The following PTPRN2 variants were observed in gnomAD, a reference collection of about 807,000 sequenced individuals.
PTPRN2 encodes the protein protein tyrosine phosphatase receptor type N2, also known as receptor-type tyrosine-protein phosphatase N2.
In PTPRN2, 74 loss-of-function variants were observed where a neutral mutation model predicts 118.8. The ratio of observed to expected loss-of-function variants is 0.62; its 90% CI spans 0.52 to 0.76. The LOEUF is 0.76. Among genes scored for constraint, PTPRN2 ranks in the 30% least tolerant of loss-of-function variants. PTPRN2 has a pLI of 0.00. For synonymous variants in PTPRN2, 641 were observed against 608.0 expected (o/e 1.05, Z -0.80); for missense variants, 1,481 against 1,394.4 (o/e 1.06, Z -0.99).
intron 9 of PTPRN2, among the ~76,000 whole-genome samples, chr7:158,118,812 C>A (rs1396048585): frequency 6.6e-6 from 1 of 152,150 alleles, no homozygotes; most frequent in African/African-American, 2.4e-5. Flanking sequence ...AGGTGATCCT[C>A]CCACCTCAGC....
intron 6 of PTPRN2, among the ~76,000 whole-genome samples, chr7:158,146,615 G>T (rs1158546992): frequency 6.7e-6 from 1 of 150,278 alleles, no homozygotes; most frequent in East Asian, 1.9e-4. Flanking sequence ...CAGCTACTCA[G>T]GAGCCTGAGG....
chr7:158,225,850 G>C (rs1310245576), intron 3 of PTPRN2, among the ~76,000 whole-genome samples: 1 of 151,792 alleles, frequency 6.6e-6, no homozygotes, highest in Non-Finnish European at 1.5e-5. Context: ...CTGTGGCACT[G>C]AGTGGTGCAC....
At position 157,763,951 on chromosome 7, in the gene PTPRN2, C is replaced by A. The variant is rs75655455; in HGVS notation, c.1789-81014G>T. On this transcript the variant is annotated intron_variant, in intron 12 of 22. Coordinates refer to ENST00000389418, the MANE Select transcript of PTPRN2 (RefSeq NM_002847.5). This position sits in a 1 kb window ranked among gnomAD's most constrained non-coding sequence, Gnocchi z 4.9. ...CCTGTGACCATTTTCCAAACACTCT[C>A]ATGTTCGTTTGATCTTCATGATGTC... Among the ~76,000 whole-genome samples, 1,806 of 152,294 alleles carry A rather than the reference C, an allele frequency of 0.012. 74 individuals carry two copies. Among genetic ancestry groups the A allele is most frequent in the Admixed American group, 0.075 (1,146 of 15,306 alleles).
intron 2 of PTPRN2, among the ~76,000 whole-genome samples, chr7:158,340,120 G>A (rs1304545141): frequency 3.0e-5 from 2 of 67,368 alleles, no homozygotes; most frequent in South Asian, 7.1e-4. Flanking sequence ...CACCATAAGA[G>A]GTGACACCTG....
At chr7:157,719,511 G>A (rs546967161) in intron 12 of PTPRN2, among the ~76,000 whole-genome samples, 3 of 152,374 alleles carry the variant, frequency 2.0e-5, no homozygotes, top group African/African-American at 7.2e-5. Flanking sequence ...GCACATCCCG[G>A]CCTCCTGGGA....
At chr7:157,697,749 G>A (rs35226787) in intron 12 of PTPRN2, among the ~76,000 whole-genome samples, 14,391 of 52,074 alleles carry the variant, frequency 0.28, 1,508 homozygotes, top group East Asian at 0.43. Flanking sequence ...AGCCCTCACC[G>A]TCTACCCATG....
At chr7:158,282,787 G>A (rs561560553) in intron 3 of PTPRN2, among the ~76,000 whole-genome samples, 22 of 146,990 alleles carry the variant, frequency 1.5e-4, no homozygotes, top group South Asian at 6.6e-4. Flanking sequence ...CACAGCAGCC[G>A]GACAGACAGC....
At position 158,133,840 on chromosome 7, in the gene PTPRN2, G is replaced by A. The variant is rs776713483; in HGVS notation, c.1393C>T (p.Pro465Ser). The A allele has an allele frequency of 6.2e-7, 1 of 1,613,978 alleles. No individual in the cohort carries two copies. The highest frequency in any genetic ancestry group is 8.5e-7 in the Non-Finnish European group (1 of 1,180,024). Residue 465 changes from proline to serine, a missense_variant, in exon 9 of 23, where the codon CCC (proline) becomes TCC (serine). By Grantham distance (74) the Pro-to-Ser change is moderately conservative. Around this residue, in one of 3 missense-constraint regions of PTPRN2, gnomAD observed 1,115 missense variants for 994.2 expected, o/e 1.12. Transcript: ENST00000389418. ...AGCTCCCCAAACGCAGCGGCCCCGG[G>A]CTCCGAATGCGGCTGCTGCCCCAGC... The part of the protein sequence containing the change: ...DLLGQQPHSE[P>S]GAAAFGELQN...
chr7:157,978,224 G>A lies in PTPRN2; in HGVS notation c.1724-79487C>T, dbSNP rs531942810. On this transcript the variant is annotated intron_variant, in intron 11 of 22. Coordinates refer to ENST00000389418, the MANE Select transcript of PTPRN2 (RefSeq NM_002847.5). Reference sequence around the variant, plus strand: ...GCTGTGAAACTAGCTCTCAGACATCGGTGAAACTCTGCCTGATCTGCTTCT... The same window carrying A: ...GCTGTGAAACTAGCTCTCAGACATCAGTGAAACTCTGCCTGATCTGCTTCT... Among the ~76,000 whole-genome samples the A allele has an allele frequency of 3.3e-5, 5 of 152,074 alleles. No individual in the cohort carries two copies. The East Asian group carries it at 7.7e-4, about 23-fold the overall frequency.
At chr7:157,954,406 C>CTG (rs147462231) in intron 11 of PTPRN2, among the ~76,000 whole-genome samples, 453 of 25,200 alleles carry the variant, frequency 0.018, 4 homozygotes, top group East Asian at 0.036. Context: ...TGCCTGTGTA[C>CTG]TGTGTGTGCT....
chr7:158,119,230 C>T (rs1563459988), intron 9 of PTPRN2, among the ~76,000 whole-genome samples: 1 of 152,100 alleles, frequency 6.6e-6, no homozygotes, highest in East Asian at 1.9e-4. Flanking sequence ...AGACATTTTC[C>T]TCCAAAGAAA....
In PTPRN2 at chr7:157,977,533, C is replaced by T. The variant is rs112707134; in HGVS notation, c.1724-78796G>A. Among the ~76,000 whole-genome samples, 6,300 of 151,392 alleles carry T rather than the reference C, an allele frequency of 0.042. 443 individuals carry two copies. The highest frequency in any genetic ancestry group is 0.14 in the African/African-American group (5,951 of 41,226). On this transcript the variant is annotated intron_variant, in intron 11 of 22. Transcript: ENST00000389418. The surrounding 1 kb of genome is among the most constrained non-coding windows in gnomAD (Gnocchi z 4.6). ...GCGTGCAAGGCCCCAGGTGGGATGA[C>T]GTGAGTGTGTTCATGGAGTAGTGTA...
At chr7:158,364,112 C>T (rs368069232) in intron 2 of PTPRN2, among the ~76,000 whole-genome samples, 1 of 152,212 alleles carries the variant, frequency 6.6e-6, no homozygotes, top group African/African-American at 2.4e-5. Context: ...AAAACCCTGC[C>T]TCTCACCATG....
intron 1 of PTPRN2, among the ~76,000 whole-genome samples, chr7:158,583,112 C>T (rs59067815): frequency 5.6e-4 from 85 of 152,274 alleles, no homozygotes; most frequent in African/African-American, 2.0e-3. Context: ...TCCTCACTTT[C>T]AAAATCTAAA....
chr7:157,685,872 C>T (rs1797162002), intron 12 of PTPRN2, among the ~76,000 whole-genome samples: 1 of 152,134 alleles, frequency 6.6e-6, no homozygotes, highest in South Asian at 2.1e-4. Context: ...ACCAACCTCG[C>T]CCGGCTCCCT....
At chr7:157,989,197 C>T (rs1804049635) in intron 11 of PTPRN2, among the ~76,000 whole-genome samples, 1 of 152,168 alleles carries the variant, frequency 6.6e-6, no homozygotes, top group Non-Finnish European at 1.5e-5. Flanking sequence ...GCAGGCAGAT[C>T]ACTTAAGCCC....
chr7:158,472,582 C>T lies in PTPRN2; in HGVS notation c.163+17153G>A, dbSNP rs117253599. 5.8e-3 allele frequency among the ~76,000 whole-genome samples: 882 copies of T among 152,282 alleles called. 56 individuals carry two copies. The East Asian group carries it at 0.15, about 25-fold the overall frequency. On this transcript the variant is annotated intron_variant, in intron 2 of 22. Coordinates refer to ENST00000389418, the MANE Select transcript of PTPRN2 (RefSeq NM_002847.5). ...GCACCCAGGCCTGGAATAGAGAGAG[C>T]AGGTTCCAAAGCAGCCCCAGGCTAA...
At chr7:158,370,060 G>A (rs1437739294) in intron 2 of PTPRN2, among the ~76,000 whole-genome samples, 2 of 152,142 alleles carry the variant, frequency 1.3e-5, no homozygotes, top group Non-Finnish European at 2.9e-5. Flanking sequence ...TACAGACGAT[G>A]GGAACGAGGT....
chr7:157,718,017 G>A (rs1234934442), intron 12 of PTPRN2, among the ~76,000 whole-genome samples: 3 of 152,234 alleles, frequency 2.0e-5, no homozygotes, highest in African/African-American at 2.4e-5. Context: ...AGAAAGCCAC[G>A]TCTCCACTCT....
Sources: allele counts gnomAD v4.1 joint callset (sites outside exome capture counted in the v4.1 genomes callset), GRCh38; gene constraint gnomAD v4.1.1; regional missense constraint gnomAD v4.1.1; non-coding constraint Gnocchi (gnomAD v3.1); transcripts MANE v1.5; gene names NCBI Gene and HGNC (gene_info 2026-07-23, HGNC 2026-07-21).